Variants in TENM4 observed in about 807,000 individuals in gnomAD.
TENM4 encodes teneurin transmembrane protein 4.
In TENM4, 82 loss-of-function variants were observed where a neutral mutation model predicts 243.3. The observed-to-expected ratio is 0.34, with a 90% confidence interval of 0.28 to 0.40. The LOEUF (loss-of-function observed/expected upper bound fraction) is 0.40, where lower values mean the gene tolerates loss of function less well. Ranked by LOEUF, TENM4 falls within the 10% of genes least tolerant of loss-of-function variation. TENM4 has a pLI of 1.00. For synonymous variants in TENM4, 1,412 were observed against 1,456.3 expected, an observed-to-expected ratio of 0.97 and a Z score of 0.69; for missense variants, 3,138 against 3,673.3, an observed-to-expected ratio of 0.85 and a Z score of 3.77.
intron 3 of TENM4, among the ~76,000 whole-genome samples, chr11:79,165,327 C>T (rs763009927): frequency 6.6e-6 from 1 of 152,118 alleles, no homozygotes; most frequent in East Asian, 1.9e-4. Flanking sequence ...GTTTTGATTA[C>T]GGACATTCTT....
intron 12 of TENM4, among the ~76,000 whole-genome samples, chr11:78,841,763 C>G (rs773593276): frequency 1.2e-4 from 19 of 152,140 alleles, no homozygotes; most frequent in African/African-American, 4.6e-4. Context: ...CCATCTGTCT[C>G]CTTCCCTGCT....
At chr11:78,837,475 T>C (rs1858143438) in intron 12 of TENM4, among the ~76,000 whole-genome samples, 1 of 152,172 alleles carries the variant, frequency 6.6e-6, no homozygotes, top group Non-Finnish European at 1.5e-5. Context: ...CATTTTCACA[T>C]CCCCATCAGA....
intron 2 of TENM4, among the ~76,000 whole-genome samples, chr11:79,225,965 A>T (rs905152468): frequency 1.3e-5 from 2 of 152,224 alleles, no homozygotes; most frequent in Non-Finnish European, 2.9e-5. Context: ...CTGATGGACA[A>T]ACAGGCCCAC....
At chr11:79,359,842 A>G (rs902790549) in intron 1 of TENM4, among the ~76,000 whole-genome samples, 5 of 152,032 alleles carry the variant, frequency 3.3e-5, no homozygotes, top group Admixed American at 6.5e-5. Context: ...CCAGACAGGG[A>G]TGCTCTGGGC....
rs551084848 is a variant in TENM4 at position 79,040,515 on chromosome 11, A to G, written c.493+24223T>C. Among the ~76,000 whole-genome samples the G allele has an allele frequency of 1.5e-3, 233 of 152,310 alleles. 1 individual carries two copies. The highest frequency in any genetic ancestry group is 5.2e-3 in the African/African-American group (218 of 41,568). ...CTGAAGTCTGGTGTTTGCTGCACTT[A>G]CTATTCCAGGCACCCTGTGATTTAC... On this transcript the variant is annotated intron_variant, in intron 6 of 33. Coordinates refer to ENST00000278550, the MANE Select transcript of TENM4 (RefSeq NM_001098816.3).
chr11:79,064,131 C>T (rs1377939061), intron 6 of TENM4, among the ~76,000 whole-genome samples: 1 of 152,080 alleles, frequency 6.6e-6, no homozygotes, highest in Non-Finnish European at 1.5e-5. Flanking sequence ...CTTTTAGCAA[C>T]TCTGAAATAT....
At chr11:78,770,347 C>G (rs1404651585) in intron 18 of TENM4, among the ~76,000 whole-genome samples, 3 of 152,172 alleles carry the variant, frequency 2.0e-5, no homozygotes, top group African/African-American at 7.2e-5. Flanking sequence ...TCAGAGCCAC[C>G]AAACAGCATG....
At chr11:78,827,536 C>T (rs569134074) in intron 12 of TENM4, among the ~76,000 whole-genome samples, 2 of 151,758 alleles carry the variant, frequency 1.3e-5, no homozygotes, top group South Asian at 4.2e-4. Context: ...GTTGGCCAGG[C>T]TGGAATGCAA....
chr11:78,754,973 G>A (rs1226855379), intron 19 of TENM4, among the ~76,000 whole-genome samples: 1 of 152,194 alleles, frequency 6.6e-6, no homozygotes, highest in Non-Finnish European at 1.5e-5. Context: ...GTGGTGGAAA[G>A]TGCAGGGGCT....
At chr11:78,879,428 C>CA (rs1196640991) in intron 9 of TENM4, among the ~76,000 whole-genome samples, 1 of 150,600 alleles carries the variant, frequency 6.6e-6, no homozygotes, top group African/African-American at 2.4e-5. Context: ...GCCCGGCCGC[C>CA]CCGTCTGGGA....
chr11:79,410,519 C>G (rs1590946603), intron 1 of TENM4, among the ~76,000 whole-genome samples: 2 of 152,282 alleles, frequency 1.3e-5, no homozygotes, highest in Middle Eastern at 3.4e-3. Context: ...ACAATTGTTT[C>G]TATAAACAGG....
chr11:79,331,066 G>A (rs1444425535), intron 1 of TENM4, among the ~76,000 whole-genome samples: 2 of 152,202 alleles, frequency 1.3e-5, no homozygotes, highest in East Asian at 3.8e-4. Flanking sequence ...GGGGGCAGAA[G>A]AGGATTTGCT....
chr11:79,255,124 T>G (rs1855678846), intron 2 of TENM4, among the ~76,000 whole-genome samples: 1 of 152,170 alleles, frequency 6.6e-6, no homozygotes, highest in Admixed American at 6.5e-5. Context: ...GGGGGCGTGG[T>G]GCAAATCTCC....
intron 1 of TENM4, among the ~76,000 whole-genome samples, chr11:79,329,888 A>T (rs991974458): frequency 3.3e-5 from 5 of 152,226 alleles, no homozygotes; most frequent in Non-Finnish European, 5.9e-5. Flanking sequence ...GCTGATTTAC[A>T]TTTGTAAAAT....
chr11:78,742,145 C>T (rs1159649222), intron 19 of TENM4, among the ~76,000 whole-genome samples: 1 of 152,154 alleles, frequency 6.6e-6, no homozygotes, highest in African/African-American at 2.4e-5. Flanking sequence ...ATTATATAGC[C>T]ATCTCACATG....
At chr11:78,978,591 G>A (rs1190644865) in intron 6 of TENM4, among the ~76,000 whole-genome samples, 1 of 151,908 alleles carries the variant, frequency 6.6e-6, no homozygotes, top group Non-Finnish European at 1.5e-5. Context: ...CACACCAAAC[G>A]GACTAATGGC....
At chr11:79,103,838 G>A (rs534933297) in intron 4 of TENM4, among the ~76,000 whole-genome samples, 36 of 152,292 alleles carry the variant, frequency 2.4e-4, no homozygotes, top group African/African-American at 8.4e-4. Flanking sequence ...TGTCTTAGGC[G>A]AACTGCTATC....
intron 15 of TENM4, among the ~76,000 whole-genome samples, chr11:78,793,474 T>C (rs1857100402): frequency 6.6e-6 from 1 of 152,016 alleles, no homozygotes; most frequent in African/African-American, 2.4e-5. Flanking sequence ...ATTCCAAGAG[T>C]GACCTTAAGA....
chr11:78,827,298 C>T (rs745515583), intron 12 of TENM4, among the ~76,000 whole-genome samples: 40 of 152,018 alleles, frequency 2.6e-4, no homozygotes, highest in Non-Finnish European at 2.2e-4. Context: ...TCCAATTGCC[C>T]TTTTCAAGTA....
Sources: allele counts gnomAD v4.1 joint callset (sites outside exome capture counted in the v4.1 genomes callset), GRCh38; gene constraint gnomAD v4.1.1; transcripts MANE v1.5; gene names NCBI Gene and HGNC (gene_info 2026-07-23, HGNC 2026-07-21).